PRR12: variants seen among roughly 807,000 people sequenced by gnomAD.
PRR12 encodes the protein proline-rich protein 12.
Under a neutral mutation model 138.0 loss-of-function variants are expected in PRR12, and 12 were observed. The ratio of observed to expected loss-of-function variants is 0.09; its 90% CI spans 0.06 to 0.14. The LOEUF (loss-of-function observed/expected upper bound fraction) is 0.14. Among genes scored for constraint, PRR12 ranks in the 10% least tolerant of loss-of-function variants. The pLI is 1.00. For synonymous variants in PRR12, 1,567 were observed against 1,291.7 expected, an observed-to-expected ratio of 1.21 and a Z score of -4.57; for missense variants, 2,692 against 2,861.3, an observed-to-expected ratio of 0.94 and a Z score of 1.35.
Position 49,597,490 on chromosome 19 carries a change from C to T in PRR12, c.3155C>T (p.Ala1052Val), listed in dbSNP as rs2080781686. The T allele has an allele frequency of 3.2e-6, 5 of 1,548,946 alleles. No homozygotes were observed. The highest frequency in any genetic ancestry group is 3.5e-6 in the Non-Finnish European group (4 of 1,148,042). ...PPPPPPPPAP[A>V]SEPKGGLTSP... ...CCGCCACCGCCGCCTCCCGCGCCGG[C>T]CTCCGAACCCAAGGGTGGCCTCACC... Residue 1052 changes from alanine (A) to valine (V), a missense_variant, in exon 4 of 14, where the codon GCC becomes GTC. Physicochemically the swap from Ala to Val is moderately conservative, Grantham distance 64. Around this residue, in one of 11 missense-constraint regions of PRR12, gnomAD observed 840 missense variants for 689.8 expected, o/e 1.22. Transcript: ENST00000418929. This position sits in a 1 kb window ranked among gnomAD's most constrained non-coding sequence, Gnocchi z 6.3.
chr19:49,599,364 C>T lies in PRR12; in HGVS notation c.3771C>T (p.Ser1257=), dbSNP rs2080796211. The T allele has an allele frequency of 1.2e-6, 2 of 1,613,192 alleles. No homozygotes were observed. The highest frequency in any genetic ancestry group is 1.7e-6 in the Non-Finnish European group (2 of 1,179,738). The stretch of plus-strand genomic sequence containing the variant: ...CTGACCACAACAGCCTGGACTCGAG[C>T]CTGACTCGGGAGAAGATCGAGGCCA... ...SGTDHNSLDS[S]LTREKIEAKI... Residue 1257 remains serine (S), a synonymous_variant, in exon 5 of 14, where the codon AGC becomes AGT. Coordinates refer to ENST00000418929, the MANE Select transcript of PRR12 (RefSeq NM_020719.3). This position sits in a 1 kb window ranked among gnomAD's most constrained non-coding sequence, Gnocchi z 5.0.
Position 49,596,093 on chromosome 19 carries a change from T to C in PRR12, c.1758T>C (p.Pro586=), listed in dbSNP as rs1290754609. ...RPPGVGSPGA[P]GKYLSSVLAS... Reference sequence around the variant, plus strand: ...CTGGAGTCGGCTCTCCAGGAGCCCCTGGCAAATACCTGAGCTCAGTCTTGG... The same window carrying C: ...CTGGAGTCGGCTCTCCAGGAGCCCCCGGCAAATACCTGAGCTCAGTCTTGG... The change falls in exon 4 of 14, where the codon CCT becomes CCC. Residue 586 remains proline, a synonymous_variant. Coordinates refer to ENST00000418929, the MANE Select transcript of PRR12 (RefSeq NM_020719.3). The surrounding 1 kb of genome is among the most constrained non-coding windows in gnomAD (Gnocchi z 5.6). 1.2e-6 allele frequency: 2 copies of C among 1,602,412 alleles called. No homozygotes were observed. The highest frequency in any genetic ancestry group is 4.5e-5 in the East Asian group (2 of 44,868).
chr19:49,612,806 A>T (rs553571363), intron 6 of PRR12, among the ~76,000 whole-genome samples: 4 of 152,100 alleles, frequency 2.6e-5, no homozygotes, highest in African/African-American at 9.6e-5. Flanking sequence ...CTGGGAGTAC[A>T]GGCACGCACT....
chr19:49,608,651 G>A (rs1434566507), intron 6 of PRR12, among the ~76,000 whole-genome samples: 1 of 151,822 alleles, frequency 6.6e-6, no homozygotes, highest in African/African-American at 2.4e-5. Flanking sequence ...TTACAGGTGT[G>A]AGCCACCGCG....
In PRR12 at chr19:49,599,218, G is replaced by C; in HGVS notation, c.3679-54G>C. On this transcript the variant is annotated intron_variant, in intron 4 of 13. Transcript: ENST00000418929. This position sits in a 1 kb window ranked among gnomAD's most constrained non-coding sequence, Gnocchi z 5.0. ...GGATTTTTGGGGGCTGAGGGAGGATGGGACTGGGGGCCCAGGCTACTGGGC... is the reference window on the plus strand; with the variant it reads ...GGATTTTTGGGGGCTGAGGGAGGATCGGACTGGGGGCCCAGGCTACTGGGC... 1 of 1,479,808 alleles carries C rather than the reference G, an allele frequency of 6.8e-7. No individual in the cohort carries two copies. Among genetic ancestry groups the C allele is most frequent in the Non-Finnish European group, 9.0e-7 (1 of 1,116,298 alleles). The allele number at this position is 1,479,808 out of a possible 1,614,324, so 91.7% of individuals were successfully genotyped here.
intron 6 of PRR12, among the ~76,000 whole-genome samples, chr19:49,608,391 G>A (rs1284084890): frequency 6.6e-6 from 1 of 151,868 alleles, no homozygotes; most frequent in Non-Finnish European, 1.5e-5. Flanking sequence ...TCACCAGGCT[G>A]GAGTGCAATG....
rs2080949112 is a variant in PRR12 at position 49,625,279 on chromosome 19, C to T, written c.5964+79C>T. 2.6e-6 allele frequency: 4 copies of T among 1,518,110 alleles called. No individual in the cohort carries two copies. Among genetic ancestry groups the T allele is most frequent in the Non-Finnish European group, 3.6e-6 (4 of 1,102,462 alleles). 94.0% of individuals were successfully genotyped at this position (1,518,110 alleles called of 1,614,324 possible). On this transcript the variant is annotated intron_variant, in intron 13 of 13. Transcript: ENST00000418929. The surrounding 1 kb of genome is among the most constrained non-coding windows in gnomAD (Gnocchi z 5.5). ...CTCTTGGGATCTGAGGGTCCAAGCC[C>T]AGCCCCATCCTGCCTCAGACCCAAG...
rs577127618 is a variant in PRR12, at chr19:49,614,094, A to G, written c.4774-439A>G. ...ACTGCACTCCAACCTGGGCAACAAG[A>G]GCAAAACTCCGTCTCAAAAAAAGAA... is the stretch of plus-strand genomic sequence containing the variant. On this transcript the variant is annotated intron_variant, in intron 6 of 13. Coordinates refer to ENST00000418929, the MANE Select transcript of PRR12 (RefSeq NM_020719.3). The surrounding 1 kb of genome is among the most constrained non-coding windows in gnomAD (Gnocchi z 5.0). Among the ~76,000 whole-genome samples, 1 of 152,274 alleles carries G rather than the reference A, an allele frequency of 6.6e-6. No individual in the cohort carries two copies. The highest frequency in any genetic ancestry group is 6.5e-5 in the Admixed American group (1 of 15,282).
chr19:49,621,983 T>C (rs2080925895), intron 11 of PRR12, among the ~76,000 whole-genome samples: 1 of 152,210 alleles, frequency 6.6e-6, no homozygotes, highest in African/African-American at 2.4e-5. Flanking sequence ...CAGGCTTCAG[T>C]GTTAAGTCAT....
intron 6 of PRR12, among the ~76,000 whole-genome samples, chr19:49,611,283 G>T (rs1430834875): frequency 6.6e-6 from 1 of 152,016 alleles, no homozygotes; most frequent in Non-Finnish European, 1.5e-5. Context: ...TATGGTCATG[G>T]TTGTGCCACT....
At chr19:49,623,765 G>A (rs2080938191) in intron 11 of PRR12, among the ~76,000 whole-genome samples, 3 of 151,450 alleles carry the variant, frequency 2.0e-5, no homozygotes, top group Non-Finnish European at 4.4e-5. Flanking sequence ...TTCTGGGGTA[G>A]GTGGTTAGGA....
At chr19:49,606,756 C>G (rs12973434) in intron 6 of PRR12, among the ~76,000 whole-genome samples, 1 of 147,116 alleles carries the variant, frequency 6.8e-6, no homozygotes, top group Non-Finnish European at 1.5e-5. Context: ...AAGTGATTCT[C>G]CTGCCTCACC....
At chr19:49,605,563 G>C (rs2080834184) in intron 6 of PRR12, among the ~76,000 whole-genome samples, 1 of 152,148 alleles carries the variant, frequency 6.6e-6, no homozygotes, top group Admixed American at 6.6e-5. Flanking sequence ...CGCCCAGCCA[G>C]GAACCCATAT....
intron 6 of PRR12, among the ~76,000 whole-genome samples, chr19:49,602,413 A>G (rs912217553): frequency 3.9e-5 from 6 of 152,156 alleles, no homozygotes; most frequent in African/African-American, 1.4e-4. Context: ...ATAATCATGA[A>G]TTGGGCCGGA....
chr19:49,595,142 G>T lies in PRR12; in HGVS notation c.807G>T (p.Ser269=). The T allele has an allele frequency of 6.2e-7, 1 of 1,611,608 alleles. No individual in the cohort carries two copies. The highest frequency in any genetic ancestry group is 1.7e-4 in the Middle Eastern group (1 of 6,054). The change falls in exon 4 of 14, where the codon TCG becomes TCT. Residue 269 remains serine, a synonymous_variant. Transcript: ENST00000418929. ...CCTCCCCACAGCTCTATAACTTCTC[G>T]GGTGCTGCCCCGGGCCCACCGCCGC... ...EQSSPQLYNF[S]GAAPGPPPPE...
intron 5 of PRR12, among the ~76,000 whole-genome samples, chr19:49,600,479 T>G (rs1369261717): frequency 7.8e-6 from 1 of 127,914 alleles, no homozygotes; most frequent in African/African-American, 3.0e-5. Context: ...AGGGGAGTGT[T>G]CAAAAAAAAA....
At chr19:49,621,274 C>T (rs2080922039) in intron 10 of PRR12, among the ~76,000 whole-genome samples, 1 of 121,834 alleles carries the variant, frequency 8.2e-6, no homozygotes, top group South Asian at 2.8e-4. Flanking sequence ...ACTCCTGGGT[C>T]TGAGGGAGGA....
intron 11 of PRR12, among the ~76,000 whole-genome samples, chr19:49,624,219 G>T (rs1440845717): frequency 6.7e-6 from 1 of 149,854 alleles, no homozygotes; most frequent in African/African-American, 2.5e-5. Context: ...ATGAGACTGA[G>T]AATTCTGGGG....
chr19:49,609,316 G>A (rs1463288555), intron 6 of PRR12, among the ~76,000 whole-genome samples: 2 of 151,952 alleles, frequency 1.3e-5, no homozygotes, highest in Non-Finnish European at 2.9e-5. Flanking sequence ...AAAAGAAAAA[G>A]TTGTCTGGGC....
Sources: allele counts gnomAD v4.1 joint callset (sites outside exome capture counted in the v4.1 genomes callset), GRCh38; gene constraint gnomAD v4.1.1; regional missense constraint gnomAD v4.1.1; non-coding constraint Gnocchi (gnomAD v3.1); transcripts MANE v1.5; gene names NCBI Gene and HGNC (gene_info 2026-07-23, HGNC 2026-07-21).